The following MED15 variants were observed in gnomAD, a reference collection of about 807,000 sequenced individuals.
MED15 encodes the protein mediator complex subunit 15.
In MED15, 41 loss-of-function variants were observed where a neutral mutation model predicts 118.7. The observed-to-expected ratio is 0.35, with a 90% confidence interval of 0.27 to 0.45. MED15 has a LOEUF of 0.45. Ranked by LOEUF, MED15 falls within the 20% of genes least tolerant of loss-of-function variation. MED15 has a pLI of 1.00. For synonymous variants in MED15, 436 were observed against 413.9 expected (o/e 1.05, Z -0.65); for missense variants, 740 against 1,025.5 (o/e 0.72, Z 3.80).
At chr22:20,540,988 G>A (rs2055276171) in intron 2 of MED15, among the ~76,000 whole-genome samples, 2 of 152,154 alleles carry the variant, frequency 1.3e-5, no homozygotes, top group South Asian at 4.1e-4. Context: ...CAGCACTTTG[G>A]GAGGCCGAGG....
intron 5 of MED15, among the ~76,000 whole-genome samples, chr22:20,555,724 C>T (rs1185118923): frequency 6.6e-6 from 1 of 152,240 alleles, no homozygotes; most frequent in Non-Finnish European, 1.5e-5. Flanking sequence ...CCTCTTCTTT[C>T]CAGGACCTGT....
chr22:20,554,978 CG>C lies in MED15; in HGVS notation c.284del (p.Gly95GlufsTer109). On this transcript the variant is annotated frameshift_variant, in exon 5 of 18. Transcript: ENST00000263205. LOFTEE classifies it high-confidence loss of function. ...CAGAGCCTGACTGGCGGACCTGCTG[CG>C]GGAGCCGCTGGAATTGGCATGCCTC... ...ALQSLTGGPA[A>X]GAAGIGMPPR... 2 of 1,610,544 alleles carry C rather than the reference CG, an allele frequency of 1.2e-6. No homozygotes were observed.
chr22:20,558,810 A>G (rs1257784651), intron 5 of MED15, among the ~76,000 whole-genome samples: 4 of 152,158 alleles, frequency 2.6e-5, no homozygotes, highest in African/African-American at 7.2e-5. Context: ...GATTGGAGGA[A>G]CATGTCCCCA....
intron 1 of MED15, among the ~76,000 whole-genome samples, chr22:20,529,529 A>G (rs2054779118): frequency 6.6e-6 from 1 of 152,178 alleles, no homozygotes; most frequent in Non-Finnish European, 1.5e-5. Context: ...GGTTCAAGTG[A>G]TTCTCCTGCC....
chr22:20,542,799 A>G (rs956751101), intron 2 of MED15, among the ~76,000 whole-genome samples: 2 of 152,204 alleles, frequency 1.3e-5, no homozygotes, highest in Admixed American at 1.3e-4. Flanking sequence ...ACTTCTACAT[A>G]TATGATGGAA....
In MED15 at chr22:20,566,678, C is replaced by T. The variant is rs199948298; in HGVS notation, c.902C>T (p.Pro301Leu). The T allele has an allele frequency of 2.8e-4, 444 of 1,614,130 alleles. 1 individual carries two copies. Among genetic ancestry groups the T allele is most frequent in the Non-Finnish European group, 3.6e-4 (423 of 1,180,012 alleles). The change falls in exon 7 of 18, where the codon CCG (proline) becomes CTG (leucine). Residue 301 changes from proline (P) to leucine (L), a missense_variant. By Grantham distance (98) the Pro-to-Leu change is moderately conservative (BLOSUM62 -3). This residue lies in a region of MED15 where 384 missense variants were observed against 506.3 expected (regional missense o/e 0.76). Transcript: ENST00000263205. ...ATGCATCACACACAGCACCACCAGC[C>T]GCCACCACAGCCCCAGCAGCCTCCA... ...QQMHHTQHHQ[P>L]PPQPQQPPVA...
At chr22:20,562,111 C>T (rs898104472) in intron 5 of MED15, among the ~76,000 whole-genome samples, 26 of 151,802 alleles carry the variant, frequency 1.7e-4, no homozygotes, top group Admixed American at 1.5e-3. Context: ...CAATGAGCCA[C>T]GATGGAGACA....
intron 8 of MED15, among the ~76,000 whole-genome samples, chr22:20,569,460 G>A (rs141736496): frequency 1.2e-3 from 189 of 152,312 alleles, no homozygotes; most frequent in African/African-American, 3.8e-3. Flanking sequence ...CTGGCAGTGC[G>A]CCTGCACTTT....
intron 9 of MED15, among the ~76,000 whole-genome samples, chr22:20,580,380 CAG>C (rs1401481851): frequency 6.6e-6 from 1 of 152,182 alleles, no homozygotes; most frequent in Non-Finnish European, 1.5e-5. Flanking sequence ...CCTTGCTCCT[CAG>C]AGAAGCGCTG....
chr22:20,551,322 T>A, intron 2 of MED15, 114 bp from the exon 3 acceptor site: 1 of 948,472 alleles, frequency 1.1e-6, no homozygotes. Context: ...CGTCTGAATC[T>A]GCCTTGCAGG....
intron 1 of MED15, chr22:20,519,074 C>T: frequency 1.2e-5 from 4 of 335,556 alleles, no homozygotes; most frequent in South Asian, 8.8e-5. Context: ...GGCTGGTCTC[C>T]AACTCCTGGG....
At chr22:20,550,246 G>A (rs2055715864) in intron 2 of MED15, among the ~76,000 whole-genome samples, 1 of 152,116 alleles carries the variant, frequency 6.6e-6, no homozygotes, top group Non-Finnish European at 1.5e-5. Context: ...TTTCCTATCA[G>A]TAATTGATGG....
rs997382600 is a variant in MED15 at position 20,555,263 on chromosome 22, G to GT, written c.451+122dup. 377 of 1,138,324 alleles carry GT rather than the reference G, an allele frequency of 3.3e-4. 1 individual carries two copies. Among genetic ancestry groups the GT allele is most frequent in the Non-Finnish European group, 4.4e-4 (366 of 828,648 alleles). The allele number at this position is 1,138,324 out of a possible 1,614,324, so 70.5% of individuals were successfully genotyped here. ...CATGGAGAAGCTCCAAATCGCTCTG[G>GT]TTTTTTTGTTTTTTAAATCTTTGTT... On this transcript the variant is annotated intron_variant, in intron 5 of 17. Coordinates refer to ENST00000263205, the MANE Select transcript of MED15 (RefSeq NM_001003891.3).
At chr22:20,582,275 G>A in intron 9 of MED15, 2 of 419,488 alleles carry the variant, frequency 4.8e-6, no homozygotes, top group South Asian at 5.1e-5. Context: ...GTCAGGGAAG[G>A]CCAGGCTAGT....
At chr22:20,555,779 T>C (rs531478520) in intron 5 of MED15, among the ~76,000 whole-genome samples, 1 of 152,378 alleles carries the variant, frequency 6.6e-6, no homozygotes, top group Admixed American at 6.5e-5. Flanking sequence ...TGGAGTGCAG[T>C]GGCACAATCA....
intron 1 of MED15, among the ~76,000 whole-genome samples, chr22:20,509,999 G>T (rs760363803): frequency 6.6e-6 from 1 of 152,090 alleles, no homozygotes; most frequent in Non-Finnish European, 1.5e-5. Context: ...TTTTGCTTCC[G>T]GGAGAATTGA....
intron 2 of MED15, among the ~76,000 whole-genome samples, chr22:20,540,417 A>T (rs1434531630): frequency 6.6e-6 from 1 of 152,162 alleles, no homozygotes; most frequent in Non-Finnish European, 1.5e-5. Flanking sequence ...AACTCAAAAT[A>T]AAAAACACCA....
At chr22:20,542,548 A>G (rs924368150) in intron 2 of MED15, among the ~76,000 whole-genome samples, 2 of 152,230 alleles carry the variant, frequency 1.3e-5, no homozygotes, top group Non-Finnish European at 2.9e-5. Context: ...CATGGCTGCC[A>G]TAACAAGTTA....
intron 2 of MED15, among the ~76,000 whole-genome samples, chr22:20,546,434 G>A (rs901751220): frequency 6.6e-6 from 1 of 151,380 alleles, no homozygotes; most frequent in Non-Finnish European, 1.5e-5. Flanking sequence ...TTATCTTTCC[G>A]ATGGTTTCAT....
Sources: gnomAD v4.1 joint callset for allele counts (sites outside exome capture counted in the v4.1 genomes callset) on GRCh38, gnomAD v4.1.1 for gene constraint, gnomAD v4.1.1 regional missense constraint, MANE v1.5 for transcripts, NCBI Gene and HGNC (gene_info 2026-07-23, HGNC 2026-07-21) for gene names.